The following SOS1 variants were observed in gnomAD, a reference collection of about 807,000 sequenced individuals.
SOS1 encodes the protein son of sevenless homolog 1.
Under a neutral mutation model 157.6 loss-of-function variants are expected in SOS1, and 25 were observed. The observed-to-expected ratio is 0.16, with a 90% confidence interval of 0.12 to 0.22. SOS1 has a LOEUF of 0.22. SOS1 is among the 10% of genes least tolerant of loss of function. SOS1 has a pLI of 1.00. For synonymous variants in SOS1, 528 were observed against 534.0 expected (o/e 0.99, Z 0.16); for missense variants, 1,237 against 1,599.1 (o/e 0.77, Z 3.86).
At chr2:39,099,146 T>C (rs1376034405) in intron 1 of SOS1, among the ~76,000 whole-genome samples, 1 of 152,180 alleles carries the variant, frequency 6.6e-6, no homozygotes, top group African/African-American at 2.4e-5. Flanking sequence ...ACACTGCTAG[T>C]GGGAATGAAA....
intron 1 of SOS1, among the ~76,000 whole-genome samples, chr2:39,111,580 T>G (rs560574086): frequency 7.2e-5 from 11 of 152,298 alleles, no homozygotes; most frequent in African/African-American, 2.4e-4. Flanking sequence ...CTTCTGGACC[T>G]TCCTGCCACT....
rs551409597 is a variant in SOS1, at chr2:39,046,589, C to G, written c.864+4555G>C. Among the ~76,000 whole-genome samples, 36 of 151,056 alleles carry G rather than the reference C, an allele frequency of 2.4e-4. No individual in the cohort carries two copies. The South Asian group carries it at 7.1e-3, about 30-fold the overall frequency. ...GCGGGATCTCGGCTCACTGCAAGCT[C>G]CGCCTCCCGGGTTCACGCCATTCTC... On this transcript the variant is annotated intron_variant, in intron 6 of 22. Coordinates refer to ENST00000402219, the MANE Select transcript of SOS1 (RefSeq NM_005633.4).
At chr2:39,034,852 A>G (rs1670288747) in intron 8 of SOS1, 3 of 460,590 alleles carry the variant, frequency 6.5e-6, no homozygotes, top group African/African-American at 2.0e-5. Context: ...AGGTCCCCAA[A>G]TGGAAACTGC....
At position 39,057,990 on chromosome 2, in the gene SOS1, T is replaced by G. The variant is rs1051311308; in HGVS notation, c.345+683A>C. ...TACAAACTGTGGATAATAATAACTT[T>G]GTTGAATAATAAAACTCAGACAATG... On this transcript the variant is annotated intron_variant, in intron 3 of 22. Coordinates refer to ENST00000402219, the MANE Select transcript of SOS1 (RefSeq NM_005633.4). 3.3e-5 allele frequency among the ~76,000 whole-genome samples: 5 copies of G among 152,200 alleles called. No homozygotes were observed. The South Asian group carries it at 1.0e-3, about 31-fold the overall frequency.
intron 3 of SOS1, 27 bp from the exon 4 acceptor site, chr2:39,056,893 T>G (rs1238609983): frequency 1.4e-6 from 2 of 1,473,828 alleles, no homozygotes; most frequent in Admixed American, 1.7e-5. Context: ...AAAGCATGTT[T>G]AAACATCATA....
At chr2:39,004,079 G>A (rs1669200721) in intron 17 of SOS1, among the ~76,000 whole-genome samples, 3 of 152,138 alleles carry the variant, frequency 2.0e-5, no homozygotes, top group Admixed American at 2.0e-4. Flanking sequence ...TTAAAACTGT[G>A]GCAGGGGTAT....
At chr2:39,110,677 A>G (rs2148223915) in intron 1 of SOS1, among the ~76,000 whole-genome samples, 1 of 152,390 alleles carries the variant, frequency 6.6e-6, no homozygotes, top group Admixed American at 6.5e-5. Context: ...GAAATGGACC[A>G]CAGAGTCTAT....
intron 5 of SOS1, 192 bp from the exon 6 acceptor site, chr2:39,051,479 C>T (rs1363749655): frequency 1.8e-6 from 1 of 552,928 alleles, no homozygotes; most frequent in Admixed American, 2.9e-5. Flanking sequence ...TTTGCAAATA[C>T]ATTTCTCTAG....
At chr2:39,091,132 G>C (rs1672580357) in intron 1 of SOS1, among the ~76,000 whole-genome samples, 1 of 152,196 alleles carries the variant, frequency 6.6e-6, no homozygotes, top group African/African-American at 2.4e-5. Context: ...GCCTGCCAAA[G>C]TGCTGGGATT....
intron 10 of SOS1, among the ~76,000 whole-genome samples, chr2:39,021,525 G>GAA (rs70954777): frequency 3.8e-5 from 4 of 104,698 alleles, no homozygotes; most frequent in Non-Finnish European, 6.0e-5. Context: ...TGCTCTACAG[G>GAA]AAAAAAAAAA....
intron 14 of SOS1, among the ~76,000 whole-genome samples, chr2:39,011,223 T>C (rs1051839849): frequency 3.3e-5 from 5 of 152,192 alleles, no homozygotes; most frequent in Non-Finnish European, 2.9e-5. Flanking sequence ...AAAAACTATT[T>C]TTATGGAAAT....
chr2:39,120,457 G>C lies in SOS1; in HGVS notation c.-35C>G. ...GGGGCGCCTCTGGGCGGGGAGAGGGGCGGCGGCGGCCGGGCCAGGGAGCCG... is the reference window on the plus strand; with the variant it reads ...GGGGCGCCTCTGGGCGGGGAGAGGGCCGGCGGCGGCCGGGCCAGGGAGCCG... On this transcript the variant is annotated 5_prime_UTR_variant, in exon 1 of 23. Transcript: ENST00000402219. 6.5e-7 allele frequency: 1 copy of C among 1,538,718 alleles called. No individual in the cohort carries two copies. Among genetic ancestry groups the C allele is most frequent in the Admixed American group, 1.9e-5 (1 of 53,438 alleles).
At chr2:39,003,543 T>C (rs1669180417) in intron 17 of SOS1, among the ~76,000 whole-genome samples, 1 of 152,198 alleles carries the variant, frequency 6.6e-6, no homozygotes, top group African/African-American at 2.4e-5. Flanking sequence ...ATTAAATATT[T>C]AGAAAACCCA....
At chr2:39,046,247 C>T (rs1478970758) in intron 6 of SOS1, among the ~76,000 whole-genome samples, 1 of 151,750 alleles carries the variant, frequency 6.6e-6, no homozygotes, top group African/African-American at 2.4e-5. Flanking sequence ...TATTTCTGTT[C>T]TTTTGGTGAT....
intron 17 of SOS1, among the ~76,000 whole-genome samples, chr2:39,001,619 G>A (rs1200321601): frequency 2.0e-5 from 3 of 152,140 alleles, no homozygotes; most frequent in Non-Finnish European, 4.4e-5. Flanking sequence ...CCAGAATTTA[G>A]GAAAAGAATC....
chr2:39,047,173 T>A (rs987660788), intron 6 of SOS1, among the ~76,000 whole-genome samples: 3 of 152,222 alleles, frequency 2.0e-5, no homozygotes, highest in Admixed American at 1.3e-4. Flanking sequence ...GAACTTCCCA[T>A]ATATCAATAT....
chr2:38,990,250 AGG>A (rs1668690052), intron 20 of SOS1, among the ~76,000 whole-genome samples: 1 of 151,736 alleles, frequency 6.6e-6, no homozygotes, highest in Non-Finnish European at 1.5e-5. Context: ...GGTCAGAAGG[AGG>A]GTGATCTCAC....
chr2:39,115,753 A>C (rs985104964), intron 1 of SOS1, among the ~76,000 whole-genome samples: 1 of 151,954 alleles, frequency 6.6e-6, no homozygotes, highest in African/African-American at 2.4e-5. Context: ...GTTCCTTTTT[A>C]TTGCTGAGTA....
chr2:39,077,873 A>G (rs1366691116), intron 1 of SOS1, among the ~76,000 whole-genome samples: 2 of 152,230 alleles, frequency 1.3e-5, no homozygotes, highest in African/African-American at 2.4e-5. Flanking sequence ...GCATAGCAGG[A>G]TATCTTTATA....
Sources: allele counts gnomAD v4.1 joint callset (sites outside exome capture counted in the v4.1 genomes callset), GRCh38; gene constraint gnomAD v4.1.1; transcripts MANE v1.5; gene names NCBI Gene and HGNC (gene_info 2026-07-23, HGNC 2026-07-21).